MAP4: variants seen among roughly 807,000 people sequenced by gnomAD.
MAP4 encodes microtubule-associated protein 4.
In MAP4, 76 loss-of-function variants were observed where a neutral mutation model predicts 170.2. The observed-to-expected ratio is 0.45, with a 90% confidence interval of 0.37 to 0.54. The LOEUF (loss-of-function observed/expected upper bound fraction) is 0.54. Ranked by LOEUF, MAP4 falls within the 20% of genes least tolerant of loss-of-function variation. MAP4 has a pLI of 0.00. For synonymous variants in MAP4, 909 were observed against 994.5 expected (o/e 0.91, Z 1.62); for missense variants, 2,506 against 2,748.0 (o/e 0.91, Z 1.97).
At position 47,910,983 on chromosome 3, in the gene MAP4, A is replaced by G; in HGVS notation, c.3438T>C (p.Thr1146=). 1 of 1,536,148 alleles carries G rather than the reference A, an allele frequency of 6.5e-7. No homozygotes were observed. The highest frequency in any genetic ancestry group is 8.7e-7 in the Non-Finnish European group (1 of 1,146,890). The change falls in exon 9 of 21, where the codon ACT becomes ACC. Residue 1146 remains threonine (T), a synonymous_variant. Coordinates refer to ENST00000683076, the MANE Select transcript of MAP4 (RefSeq NM_001385682.1). Reference sequence around the variant, plus strand: ...GCATGGTGCCTGCCACCTTAGGCTGAGTCATCTCTTTAGGCTCCCCCATCA... The same window carrying G: ...GCATGGTGCCTGCCACCTTAGGCTGGGTCATCTCTTTAGGCTCCCCCATCA... ...AVVMGEPKEM[T]QPKVAGTMQA...
intron 1 of MAP4, among the ~76,000 whole-genome samples, chr3:48,062,404 GTTCACTTGTTTA>G (rs2100136123): frequency 7.0e-6 from 1 of 142,638 alleles, no homozygotes; most frequent in Non-Finnish European, 1.5e-5. Context: ...AGAGACCTTT[GTTCACTTGTTTA>G]TCTGCTGACC....
At position 47,852,774 on chromosome 3, in the gene MAP4, G is replaced by T; in HGVS notation, c.*160C>A. ...AGCCTAGCGGGCTGCCCAGCACGGCGCCCAAGCGCTCACTGGTCTAGTGGA... is the reference window on the plus strand; with the variant it reads ...AGCCTAGCGGGCTGCCCAGCACGGCTCCCAAGCGCTCACTGGTCTAGTGGA... On this transcript the variant is annotated 3_prime_UTR_variant, in exon 21 of 21. Transcript: ENST00000683076. The T allele has an allele frequency of 6.5e-7, 1 of 1,546,196 alleles. No homozygotes were observed.
At chr3:48,087,299 A>G (rs1285613169) in intron 1 of MAP4, among the ~76,000 whole-genome samples, 1 of 152,194 alleles carries the variant, frequency 6.6e-6, no homozygotes, top group Non-Finnish European at 1.5e-5. Context: ...TCTCCTGCTT[A>G]GCAACTTTAA....
chr3:47,998,644 T>C lies in MAP4; in HGVS notation c.217A>G (p.Ile73Val), dbSNP rs1034793096. The C allele has an allele frequency of 6.2e-7, 1 of 1,613,260 alleles. No individual in the cohort carries two copies. Among genetic ancestry groups the C allele is most frequent in the Non-Finnish European group, 8.5e-7 (1 of 1,179,244 alleles). The stretch of plus-strand genomic sequence containing the variant: ...GTCTGGTTTAAATACTTACCTTCAA[T>C]CTGGCTAGTTTCTGAGCACGGTTTC... The part of the protein sequence containing the change: ...KKKPCSETSQ[I>V]EDTPSSKPTL... Residue 73 changes from isoleucine to valine, a missense_variant, in exon 2 of 21, where the codon ATT (isoleucine) becomes GTT (valine). Physicochemically the swap from Ile to Val is conservative, Grantham distance 29. Coordinates refer to ENST00000683076, the MANE Select transcript of MAP4 (RefSeq NM_001385682.1).
At chr3:47,984,843 C>T (rs745956687) in intron 2 of MAP4, among the ~76,000 whole-genome samples, 24 of 151,850 alleles carry the variant, frequency 1.6e-4, no homozygotes, top group Admixed American at 8.5e-4. Context: ...GTGGCACGCA[C>T]CTGTAATCCC....
rs1387163642 is a variant in MAP4, at chr3:47,910,801, T to G, written c.3620A>C (p.Glu1207Ala). The change falls in exon 9 of 21, where the codon GAA becomes GCA. Residue 1207 changes from glutamate to alanine, a missense_variant. By Grantham distance (107) the Glu-to-Ala change is moderately radical (BLOSUM62 -1). Coordinates refer to ENST00000683076, the MANE Select transcript of MAP4 (RefSeq NM_001385682.1). ...TTCATTGCCTCTCTTTTTAGGCTTT[T>G]CAGAAATCCAGGGAGCTGCCTCATG... ...KDHEAAPWIS[E>A]KPKKRGNEGK... 6.5e-7 allele frequency: 1 copy of G among 1,536,154 alleles called. No homozygotes were observed. Among genetic ancestry groups the G allele is most frequent in the South Asian group, 1.2e-5 (1 of 84,058 alleles).
chr3:47,857,294 C>T, intron 18 of MAP4, 137 bp downstream of exon 18: 1 of 684,116 alleles, frequency 1.5e-6, no homozygotes, highest in East Asian at 2.5e-5. Context: ...AGAATGAGGA[C>T]TGTGGTGTCC....
At chr3:47,861,732 G>A (rs1330721026) in intron 17 of MAP4, among the ~76,000 whole-genome samples, 2 of 152,014 alleles carry the variant, frequency 1.3e-5, no homozygotes, top group East Asian at 1.9e-4. Flanking sequence ...GGTGGTGCAC[G>A]CCTGTAATCC....
chr3:47,851,192 T>C lies in MAP4; in HGVS notation c.*1742A>G, dbSNP rs1268319061. Reference sequence around the variant, plus strand: ...TGGCACAGCAGAAGTGTTCTGCACATGGTCTCTACGGAGGAAAGCTGGTCC... The same window carrying C: ...TGGCACAGCAGAAGTGTTCTGCACACGGTCTCTACGGAGGAAAGCTGGTCC... On this transcript the variant is annotated 3_prime_UTR_variant, in exon 21 of 21. Coordinates refer to ENST00000683076, the MANE Select transcript of MAP4 (RefSeq NM_001385682.1). 6.6e-6 allele frequency: 1 copy of C among 152,252 alleles called. No individual in the cohort carries two copies. Among genetic ancestry groups the C allele is most frequent in the East Asian group, 1.9e-4 (1 of 5,198 alleles). 9.4% of individuals were successfully genotyped at this position (152,252 alleles called of 1,614,324 possible).
intron 17 of MAP4, among the ~76,000 whole-genome samples, chr3:47,861,521 T>A (rs1237201415): frequency 2.0e-5 from 3 of 151,154 alleles, no homozygotes; most frequent in Admixed American, 6.6e-5. Flanking sequence ...CCCAGCTGAT[T>A]TTTGTATTTT....
At chr3:47,867,059 G>C (rs953318419) in intron 17 of MAP4, among the ~76,000 whole-genome samples, 187 bp downstream of exon 17, 10 of 152,102 alleles carry the variant, frequency 6.6e-5, no homozygotes, top group African/African-American at 2.4e-4. Flanking sequence ...TGGTGTTTAG[G>C]GGCTCACCAG....
intron 10 of MAP4, among the ~76,000 whole-genome samples, chr3:47,881,293 G>A (rs1577000274): frequency 6.6e-6 from 1 of 150,562 alleles, no homozygotes; most frequent in East Asian, 2.0e-4. Context: ...TACAAAAATC[G>A]AAAGAAAATT....
intron 8 of MAP4, among the ~76,000 whole-genome samples, chr3:47,914,047 T>C (rs1330314711): frequency 6.6e-6 from 1 of 152,176 alleles, no homozygotes; most frequent in Non-Finnish European, 1.5e-5. Flanking sequence ...AGCCCAAGAT[T>C]CTGCATTTCT....
intron 3 of MAP4, among the ~76,000 whole-genome samples, chr3:47,969,937 A>G (rs2100077571): frequency 6.6e-6 from 1 of 152,154 alleles, no homozygotes; most frequent in African/African-American, 2.4e-5. Flanking sequence ...TAACCAAGAT[A>G]CTCAGGTAGT....
chr3:47,915,343 C>T (rs1251818605), intron 7 of MAP4, among the ~76,000 whole-genome samples: 2 of 151,938 alleles, frequency 1.3e-5, no homozygotes, highest in Admixed American at 1.3e-4. Flanking sequence ...CTTGAATTCC[C>T]GACCTCAGGT....
intron 2 of MAP4, among the ~76,000 whole-genome samples, chr3:47,978,332 T>A (rs1279931953): frequency 3.9e-5 from 6 of 152,064 alleles, no homozygotes; most frequent in Admixed American, 3.3e-4. Context: ...TATTATTATT[T>A]TTGAGATGGG....
chr3:47,888,343 T>C (rs1406798526), intron 10 of MAP4, among the ~76,000 whole-genome samples: 1 of 152,158 alleles, frequency 6.6e-6, no homozygotes, highest in African/African-American at 2.4e-5. Context: ...GCAATAAATC[T>C]TGCTACTGCT....
At position 47,854,483 on chromosome 3, in the gene MAP4, C is replaced by T. The variant is rs1159049206; in HGVS notation, c.6696+765G>A. 3.9e-5 allele frequency among the ~76,000 whole-genome samples: 6 copies of T among 152,174 alleles called. No individual in the cohort carries two copies. In the East Asian group the frequency reaches 9.7e-4, roughly 25 times the overall value. On this transcript the variant is annotated intron_variant, in intron 19 of 20. Coordinates refer to ENST00000683076, the MANE Select transcript of MAP4 (RefSeq NM_001385682.1). ...AGGGCAGCGGCTCCTGGCCCCTCTC[C>T]CCTGCGCACCTGAACCCGAGCAGCA...
chr3:47,939,753 A>G (rs942554873), intron 3 of MAP4, among the ~76,000 whole-genome samples: 29 of 151,844 alleles, frequency 1.9e-4, no homozygotes, highest in African/African-American at 5.6e-4. Context: ...TCAAAAAATA[A>G]GTTTTTAATC....
Sources: gnomAD v4.1 joint callset for allele counts (sites outside exome capture counted in the v4.1 genomes callset) on GRCh38, gnomAD v4.1.1 for gene constraint, MANE v1.5 for transcripts, NCBI Gene and HGNC (gene_info 2026-07-23, HGNC 2026-07-21) for gene names.